The following PLXNB2 variants were observed in gnomAD, a reference collection of about 807,000 sequenced individuals.
The protein encoded by PLXNB2 is plexin-B2.
In PLXNB2, 85 loss-of-function variants were observed where a neutral mutation model predicts 202.6. The observed-to-expected ratio is 0.42, with a 90% CI of 0.35 to 0.50. The LOEUF (loss-of-function observed/expected upper bound fraction) is 0.50, where lower values mean the gene tolerates loss of function less well. PLXNB2 is among the 20% of genes least tolerant of loss of function. The pLI is 0.02. For synonymous variants in PLXNB2, 1,239 were observed against 1,137.6 expected (o/e 1.09, Z -1.79); for missense variants, 2,063 against 2,586.2 (o/e 0.80, Z 4.39).
chr22:50,301,945 A>G (rs936250519), intron 1 of PLXNB2, among the ~76,000 whole-genome samples: 10 of 152,246 alleles, frequency 6.6e-5, no homozygotes, highest in African/African-American at 2.4e-4. Context: ...GTGCTGCCGG[A>G]AAAGCCCTGC....
Position 50,280,068 on chromosome 22 carries a change from A to C in PLXNB2, c.4179T>G (p.Ser1393=). 3.1e-6 allele frequency: 5 copies of C among 1,605,988 alleles called. No individual in the cohort carries two copies. The highest frequency in any genetic ancestry group is 4.3e-6 in the Non-Finnish European group (5 of 1,176,114). Residue 1393 remains serine, a synonymous_variant, in exon 26 of 37, where the codon TCT becomes TCG. Transcript: ENST00000359337. ...ACAGCATCCTCTCCACCACAGTCTC[A>C]GACCTGGGGGTGCAGGGAGGCCTTG... ...AKNPKLMLRR[S]ETVVERMLSN...
At position 50,291,891 on chromosome 22, in the gene PLXNB2, T is replaced by C. The variant is rs28412679; in HGVS notation, c.-13-1294A>G. ...GGGTCCAGACTCGATGGCAGAGGGT[T>C]ACGAGGGATGGAGGCCCTGGCCTCC... On this transcript the variant is annotated intron_variant, in intron 2 of 36. Coordinates refer to ENST00000359337, the MANE Select transcript of PLXNB2 (RefSeq NM_012401.4). The surrounding 1 kb of genome is among the most constrained non-coding windows in gnomAD (Gnocchi z 4.3). Among the ~76,000 whole-genome samples the C allele has an allele frequency of 0.46, 70,101 of 151,942 alleles. 16,629 individuals carry two copies. Among genetic ancestry groups the C allele is most frequent in the East Asian group, 0.63 (3,268 of 5,154 alleles).
chr22:50,287,627 G>T, intron 7 of PLXNB2, 40 bp downstream of exon 7: 2 of 1,516,818 alleles, frequency 1.3e-6, no homozygotes, highest in South Asian at 2.4e-5. Flanking sequence ...ACCTGGCCCG[G>T]CCTGGGGCCC....
rs2065480557 is a variant in PLXNB2 at position 50,275,491 on chromosome 22, CT to C, written c.*212del. Reference sequence around the variant, plus strand: ...GTTCTGCGGCCGGAGGGAGCTGGGGCTGGGGCTGGTGCTGGTGCGGTGCCCG... The same window carrying C: ...GTTCTGCGGCCGGAGGGAGCTGGGGCGGGGCTGGTGCTGGTGCGGTGCCCG... On this transcript the variant is annotated 3_prime_UTR_variant, in exon 37 of 37. Transcript: ENST00000359337. 1 of 669,640 alleles carries C rather than the reference CT, an allele frequency of 1.5e-6. No homozygotes were observed. Among genetic ancestry groups the C allele is most frequent in the African/African-American group, 1.8e-5 (1 of 56,484 alleles). The allele number at this position is 669,640 out of a possible 1,614,324, so 41.5% of individuals were successfully genotyped here.
rs1439032937 is a variant in PLXNB2 at position 50,288,670 on chromosome 22, G to A, written c.1380+73C>T. On this transcript the variant is annotated intron_variant, in intron 5 of 36. Coordinates refer to ENST00000359337, the MANE Select transcript of PLXNB2 (RefSeq NM_012401.4). The surrounding 1 kb of genome is among the most constrained non-coding windows in gnomAD (Gnocchi z 5.0). ...CCATCCTCCTCTGGCCCCCAGGCCTGTCCTAAGGGCCTGGGATGCAATGAC... is the reference window on the plus strand; with the variant it reads ...CCATCCTCCTCTGGCCCCCAGGCCTATCCTAAGGGCCTGGGATGCAATGAC... 3.8e-6 allele frequency: 6 copies of A among 1,582,740 alleles called. No individual in the cohort carries two copies. The highest frequency in any genetic ancestry group is 5.2e-6 in the Non-Finnish European group (6 of 1,163,234).
At position 50,278,190 on chromosome 22, in the gene PLXNB2, C is replaced by G; in HGVS notation, c.4814G>C (p.Arg1605Thr). ...TDEVDEGKSKRGSVKEKERTK... is the reference protein window; with the variant it reads ...TDEVDEGKSKTGSVKEKERTK... ...CCGCTCCTTCTCTTTCACGCTGCCT[C>G]TCTTGGACTTGCCCTCGTCCACCTC... The change falls in exon 31 of 37, where the codon AGA becomes ACA. Residue 1605 changes from arginine to threonine, a missense_variant. Arg to Thr is a moderately conservative substitution (Grantham distance 71). Coordinates refer to ENST00000359337, the MANE Select transcript of PLXNB2 (RefSeq NM_012401.4). 6.2e-7 allele frequency: 1 copy of G among 1,608,078 alleles called. No individual in the cohort carries two copies. The highest frequency in any genetic ancestry group is 8.5e-7 in the Non-Finnish European group (1 of 1,179,934).
intron 1 of PLXNB2, among the ~76,000 whole-genome samples, chr22:50,306,401 C>A (rs1000928733): frequency 8.5e-5 from 13 of 152,350 alleles, no homozygotes; most frequent in East Asian, 3.9e-4. Context: ...GAGACCCTCA[C>A]CTCTGGACAG....
intron 22 of PLXNB2, 77 bp from the exon 23 acceptor site, chr22:50,281,266 C>A (rs983549224): frequency 1.3e-6 from 2 of 1,572,226 alleles, no homozygotes; most frequent in African/African-American, 1.3e-5. Context: ...TGGATCTACA[C>A]GCCTGCCTGT....
In PLXNB2 at chr22:50,297,208, C is replaced by G. The variant is rs2147652865; in HGVS notation, c.-73-2430G>C. Among the ~76,000 whole-genome samples the G allele has an allele frequency of 6.6e-6, 1 of 152,274 alleles. No individual in the cohort carries two copies. Among genetic ancestry groups the G allele is most frequent in the Middle Eastern group, 3.4e-3 (1 of 294 alleles). ...CAGACCTGCCATCTTGAAGGGACGC[C>G]ACACCGGCCTGTGTGCCCCATGCCC... On this transcript the variant is annotated intron_variant, in intron 1 of 36. Transcript: ENST00000359337. The surrounding 1 kb of genome is among the most constrained non-coding windows in gnomAD (Gnocchi z 5.3).
Position 50,285,852 on chromosome 22 carries a change from A to G in PLXNB2, c.2036T>C (p.Met679Thr). ...FLGPSPLVIPMNHETDVNFQG... is the reference protein window; with the variant it reads ...FLGPSPLVIPTNHETDVNFQG... The stretch of plus-strand genomic sequence containing the variant: ...GAAGTTCACATCTGTCTCGTGGTTC[A>G]TGGGGATCACCAGGGGGCTGGGTCC... The change falls in exon 11 of 37, where the codon ATG becomes ACG. Residue 679 changes from methionine to threonine, a missense_variant. Met to Thr is a moderately conservative substitution (Grantham distance 81, BLOSUM62 -1). Coordinates refer to ENST00000359337, the MANE Select transcript of PLXNB2 (RefSeq NM_012401.4). 1 of 1,612,952 alleles carries G rather than the reference A, an allele frequency of 6.2e-7. No individual in the cohort carries two copies. The highest frequency in any genetic ancestry group is 2.2e-5 in the East Asian group (1 of 44,864).
intron 15 of PLXNB2, 65 bp from the exon 16 acceptor site, chr22:50,283,510 C>A: frequency 1.3e-6 from 2 of 1,503,706 alleles, no homozygotes; most frequent in Middle Eastern, 2.1e-4. Context: ...GACACCCTCA[C>A]CCCCTCAGCC....
Position 50,290,559 on chromosome 22 carries a change from G to T in PLXNB2, c.26C>A (p.Thr9Asn). ...ACCTGCGCCCAGCAGGCCCAGCAGG[G>T]TCAGGGCCCAGAGCTGCAGTGCCAT... MALQLWAL[T>N]LLGLLGAGAS... Residue 9 changes from threonine (T) to asparagine (N), a missense_variant, in exon 3 of 37, where the codon ACC becomes AAC. Transcript: ENST00000359337. 2.5e-6 allele frequency: 4 copies of T among 1,610,378 alleles called. No individual in the cohort carries two copies. The highest frequency in any genetic ancestry group is 3.4e-6 in the Non-Finnish European group (4 of 1,179,540).
intron 8 of PLXNB2, among the ~76,000 whole-genome samples, chr22:50,286,731 G>A (rs1012188313): frequency 2.0e-4 from 30 of 152,188 alleles, no homozygotes; most frequent in Admixed American, 7.2e-4. Flanking sequence ...GCCCACATGC[G>A]AGGCCCTGCA....
In PLXNB2 at chr22:50,280,563, G is replaced by A. The variant is rs766304049; in HGVS notation, c.4101C>T (p.Asp1367=). The change falls in exon 25 of 37, where the codon GAC becomes GAT. Residue 1367 remains aspartate, a synonymous_variant. Transcript: ENST00000359337. ...ALHGKLEYYT[D]IMHTLFLELL... is the part of the protein sequence containing the mutation. Reference sequence around the variant, plus strand: ...GCTCCAGGAAGAGCGTGTGCATGATGTCCGTGTAGTACTCCAGTTTCCCGT... The same window carrying A: ...GCTCCAGGAAGAGCGTGTGCATGATATCCGTGTAGTACTCCAGTTTCCCGT... 3.7e-6 allele frequency: 6 copies of A among 1,612,150 alleles called. No homozygotes were observed. The African/African-American group carries it at 4.0e-5, about 11-fold the overall frequency.
At chr22:50,275,854 C>A in intron 36 of PLXNB2, 35 bp downstream of exon 36, 1 of 1,608,392 alleles carries the variant, frequency 6.2e-7, no homozygotes, top group Non-Finnish European at 8.5e-7. Flanking sequence ...CGCCCAGCAC[C>A]CCACCTGCCC....
At chr22:50,293,630 G>A (rs1344700562) in intron 2 of PLXNB2, among the ~76,000 whole-genome samples, 2 of 152,240 alleles carry the variant, frequency 1.3e-5, no homozygotes, top group African/African-American at 2.4e-5. Context: ...GAATGCGGGG[G>A]CAGCGCGGGG....
At position 50,289,534 on chromosome 22, in the gene PLXNB2, A is replaced by C; in HGVS notation, c.1051T>G (p.Cys351Gly). ...FYKPFHGDIQ[C>G]GGHAPGSSKS... ...GCCCATACCGGCGCGTGGCCGCCGC[A>C]CTGGATATCGCCGTGGAAGGGCTTG... The change falls in exon 3 of 37, where the codon TGC becomes GGC. Residue 351 changes from cysteine to glycine, a missense_variant. Transcript: ENST00000359337. The surrounding 1 kb of genome is among the most constrained non-coding windows in gnomAD (Gnocchi z 8.0). 6.2e-7 allele frequency: 1 copy of C among 1,610,896 alleles called. No individual in the cohort carries two copies. The highest frequency in any genetic ancestry group is 8.5e-7 in the Non-Finnish European group (1 of 1,179,032).
Position 50,275,710 on chromosome 22 carries a change from G to A in PLXNB2, c.5511C>T (p.Asp1837=). 1.3e-6 allele frequency: 2 copies of A among 1,598,116 alleles called. No individual in the cohort carries two copies. Among genetic ancestry groups the A allele is most frequent in the South Asian group, 1.1e-5 (1 of 89,468 alleles). Residue 1837 remains aspartate, a synonymous_variant, in exon 37 of 37, where the codon GAC becomes GAT. Transcript: ENST00000359337. Reference sequence around the variant, plus strand: ...CAGCACTGGAGATTGTAGGTCAGAGGTCAGTGACCTTGTTCTCCAGTGCAG... The same window carrying A: ...CAGCACTGGAGATTGTAGGTCAGAGATCAGTGACCTTGTTCTCCAGTGCAG... ...IAAALENKVT[D]L is the part of the protein sequence containing the mutation.
At chr22:50,275,997 G>C in intron 35 of PLXNB2, 34 bp from the exon 36 acceptor site, 1 of 1,599,800 alleles carries the variant, frequency 6.3e-7, no homozygotes, top group East Asian at 2.2e-5. Context: ...GGTGGAAAAG[G>C]GGCTGTGGGA....
Sources: allele counts gnomAD v4.1 joint callset (sites outside exome capture counted in the v4.1 genomes callset), GRCh38; gene constraint gnomAD v4.1.1; non-coding constraint Gnocchi (gnomAD v3.1); transcripts MANE v1.5; gene names NCBI Gene and HGNC (gene_info 2026-07-23, HGNC 2026-07-21).